CSF1R: variants seen among roughly 807,000 people sequenced by gnomAD.
The protein encoded by CSF1R is macrophage colony-stimulating factor 1 receptor.
CSF1R carries 40 observed loss-of-function variants against 110.0 expected under a neutral mutation model. The ratio of observed to expected loss-of-function variants is 0.36; its 90% CI spans 0.28 to 0.47. The LOEUF is 0.47. Ranked by LOEUF, CSF1R falls within the 20% of genes least tolerant of loss-of-function variation. The pLI is 0.99. For synonymous variants in CSF1R, 523 were observed against 503.4 expected (o/e 1.04, Z -0.52); for missense variants, 1,052 against 1,253.0 (o/e 0.84, Z 2.42).
intron 1 of CSF1R, among the ~76,000 whole-genome samples, chr5:150,110,644 T>C (rs936961402): frequency 6.6e-6 from 1 of 152,244 alleles, no homozygotes; most frequent in African/African-American, 2.4e-5. Flanking sequence ...AGCTATATTC[T>C]ATGTAGATAG....
intron 3 of CSF1R, 143 bp downstream of exon 3, chr5:150,079,908 TG>T: frequency 9.7e-7 from 1 of 1,027,344 alleles, no homozygotes; most frequent in Non-Finnish European, 1.4e-6. Context: ...TAGATGATCG[TG>T]GAACCATTGA....
Position 150,086,422 on chromosome 5 carries a change from G to A in CSF1R, c.6C>T (p.Gly2=), listed in dbSNP as rs2113846078. The change falls in exon 1 of 21, where the codon GGC becomes GGT. Residue 2 remains glycine, a synonymous_variant. Coordinates refer to ENST00000675795, the MANE Select transcript of CSF1R (RefSeq NM_001288705.3). M[G]PGVLLLLLVA... is the part of the protein sequence containing the mutation. Reference sequence around the variant, plus strand: ...CCAGCAGGAGCAGCAGAACTCCTGGGCCCATGGCCTCGGTGGGGAAGTGGC... The same window carrying A: ...CCAGCAGGAGCAGCAGAACTCCTGGACCCATGGCCTCGGTGGGGAAGTGGC... The A allele has an allele frequency of 6.2e-7, 1 of 1,610,538 alleles. No homozygotes were observed. The highest frequency in any genetic ancestry group is 8.5e-7 in the Non-Finnish European group (1 of 1,178,684).
chr5:150,074,942 C>T (rs1024201617), intron 5 of CSF1R, among the ~76,000 whole-genome samples: 4 of 152,200 alleles, frequency 2.6e-5, no homozygotes, highest in Non-Finnish European at 5.9e-5. Context: ...GCAATTTCCT[C>T]TACCAGAAAT....
rs1206543403 is a variant in CSF1R, at chr5:150,053,885, A to G, written c.*184T>C. The G allele has an allele frequency of 1.2e-5, 8 of 640,148 alleles. No individual in the cohort carries two copies. The highest frequency in any genetic ancestry group is 2.2e-5 in the Non-Finnish European group (8 of 364,244). 39.7% of individuals were successfully genotyped at this position (640,148 alleles called of 1,614,324 possible). A position where few individuals can be genotyped will look rare whatever the true frequency, so the allele number is the denominator to read the frequency against. ...AGCCCCTGACTGGCAGTGATGGCCC[A>G]TGCTCAGGAAGTGGGATCCTCTGAC... On this transcript the variant is annotated 3_prime_UTR_variant, in exon 21 of 21. Transcript: ENST00000675795.
At chr5:150,069,355 C>T (rs756912430) in intron 9 of CSF1R, among the ~76,000 whole-genome samples, 23 of 152,210 alleles carry the variant, frequency 1.5e-4, no homozygotes, top group Non-Finnish European at 1.3e-4. Context: ...CAGGGCCGGG[C>T]ATCATCCCCC....
intron 12 of CSF1R, 67 bp from the exon 13 acceptor site, chr5:150,061,039 T>C (rs1210485569): frequency 1.7e-6 from 2 of 1,149,060 alleles, no homozygotes; most frequent in African/African-American, 1.5e-5. Context: ...CACAGATACA[T>C]GGGGACCAAA....
At chr5:150,109,391 C>A (rs1046880192) in intron 1 of CSF1R, among the ~76,000 whole-genome samples, 1 of 152,162 alleles carries the variant, frequency 6.6e-6, no homozygotes, top group Admixed American at 6.5e-5. Context: ...GGTTTCCCGA[C>A]GGGTGGGATG....
At chr5:150,104,012 T>A (rs2113865846) in intron 1 of CSF1R, among the ~76,000 whole-genome samples, 1 of 152,272 alleles carries the variant, frequency 6.6e-6, no homozygotes, top group Admixed American at 6.5e-5. Context: ...ATCCCAGGCC[T>A]GCTGACTTAG....
chr5:150,093,560 C>T (rs1335722860), intron 1 of CSF1R, among the ~76,000 whole-genome samples: 1 of 151,984 alleles, frequency 6.6e-6, no homozygotes, highest in Non-Finnish European at 1.5e-5. Flanking sequence ...ATAATACATA[C>T]TCAATCCAAA....
intron 1 of CSF1R, among the ~76,000 whole-genome samples, chr5:150,092,493 A>G (rs10078872): frequency 0.58 from 87,509 of 151,950 alleles, 25,368 homozygotes; most frequent in Middle Eastern, 0.66. Flanking sequence ...AGACATACCC[A>G]AGACTGGGTG....
chr5:150,111,976 G>A (rs1023738217), intron 1 of CSF1R, among the ~76,000 whole-genome samples: 3 of 152,122 alleles, frequency 2.0e-5, no homozygotes, highest in African/African-American at 4.8e-5. Flanking sequence ...TAAATGACAC[G>A]CTGGTGATCA....
chr5:150,068,026 C>T (rs946659003), intron 10 of CSF1R, among the ~76,000 whole-genome samples, 189 bp downstream of exon 10: 24 of 152,026 alleles, frequency 1.6e-4, no homozygotes, highest in African/African-American at 3.9e-4. Flanking sequence ...AGACAGTAAA[C>T]GCTATTAGGG....
At chr5:150,102,800 G>A (rs1264889178) in intron 1 of CSF1R, among the ~76,000 whole-genome samples, 1 of 152,224 alleles carries the variant, frequency 6.6e-6, no homozygotes, top group Admixed American at 6.5e-5. Flanking sequence ...TTCGTTATCT[G>A]TATTATGTCT....
upstream of CSF1R, among the ~76,000 whole-genome samples, chr5:150,087,730 CT>C (rs562363648): frequency 6.6e-6 from 1 of 151,508 alleles, no homozygotes; most frequent in Non-Finnish European, 1.5e-5. Context: ...ATTTCTTCTT[CT>C]TTTTTTCTTT....
At chr5:150,064,560 C>G (rs1382505112) in intron 10 of CSF1R, among the ~76,000 whole-genome samples, 1 of 152,184 alleles carries the variant, frequency 6.6e-6, no homozygotes, top group Non-Finnish European at 1.5e-5. Context: ...GGTGCCTTCC[C>G]AGCCCAAAAG....
At chr5:150,063,300 C>A (rs899799378) in intron 10 of CSF1R, among the ~76,000 whole-genome samples, 1 of 152,080 alleles carries the variant, frequency 6.6e-6, no homozygotes, top group Non-Finnish European at 1.5e-5. Flanking sequence ...AGCTACCATG[C>A]CTGGCCGGGC....
intron 1 of CSF1R, among the ~76,000 whole-genome samples, chr5:150,091,770 T>C (rs917491769): frequency 1.9e-4 from 28 of 149,204 alleles, no homozygotes; most frequent in African/African-American, 6.9e-4. Context: ...ATGTGAATTT[T>C]ATCTCAAAAA....
intron 9 of CSF1R, 23 bp downstream of exon 9, chr5:150,069,850 C>A: frequency 6.4e-7 from 1 of 1,572,570 alleles, no homozygotes; most frequent in South Asian, 1.2e-5. Flanking sequence ...GGGGGCGGTG[C>A]GGGTGCGAAG....
intron 9 of CSF1R, 47 bp downstream of exon 9, chr5:150,069,826 C>CGGGG: frequency 3.7e-6 from 5 of 1,357,700 alleles, no homozygotes; most frequent in Non-Finnish European, 4.7e-6. Flanking sequence ...GGAGCAGGGG[C>CGGGG]GGGGGGCGGG....
Sources: gnomAD v4.1 joint callset for allele counts (sites outside exome capture counted in the v4.1 genomes callset) on GRCh38, gnomAD v4.1.1 for gene constraint, MANE v1.5 for transcripts, NCBI Gene and HGNC (gene_info 2026-07-23, HGNC 2026-07-21) for gene names.